The following NPAT variants were observed in gnomAD, a reference collection of about 807,000 sequenced individuals.
The protein encoded by NPAT is nuclear protein, coactivator of histone transcription, also known as protein NPAT.
A neutral mutation model predicts 130.7 loss-of-function variants in NPAT; 52 were observed. The observed-to-expected ratio is 0.40, with a 90% CI of 0.32 to 0.50. The LOEUF is 0.50. Ranked by LOEUF, NPAT falls within the 20% of genes least tolerant of loss-of-function variation. The pLI is 0.68. For synonymous variants in NPAT, 580 were observed against 584.8 expected (o/e 0.99, Z 0.12); for missense variants, 1,687 against 1,662.6 (o/e 1.01, Z -0.26).
chr11:108,175,974 T>C (rs2078001679), intron 12 of NPAT, among the ~76,000 whole-genome samples: 1 of 152,176 alleles, frequency 6.6e-6, no homozygotes, highest in Non-Finnish European at 1.5e-5. Context: ...ATTGTGCCAC[T>C]GCACTCCAGC....
intron 3 of NPAT, 133 bp from the exon 4 acceptor site, chr11:108,192,323 G>GT (rs2078177986): frequency 4.2e-6 from 3 of 716,364 alleles, no homozygotes; most frequent in Non-Finnish European, 5.1e-6. Flanking sequence ...ATAAATCTAT[G>GT]TTGTAAAATA....
chr11:108,173,745 C>G lies in NPAT; in HGVS notation c.1239G>C (p.Gln413His), dbSNP rs750926256. Residue 413 changes from glutamine to histidine, a missense_variant, in exon 13 of 18, where the codon CAG becomes CAC. Gln to His is a conservative substitution (Grantham distance 24, BLOSUM62 0). Around this residue, in one of 3 missense-constraint regions of NPAT, gnomAD observed 1,379 missense variants for 1,346.6 expected, o/e 1.02. Coordinates refer to ENST00000278612, the MANE Select transcript of NPAT (RefSeq NM_002519.3). ...NNHDVLRQED[Q>H]ENFSQISTSI... ...TGGTACTTATTTGGGAAAAATTTTC[C>G]TGGTCTTCTTGTCTAAGCACATCAT... 6.2e-7 allele frequency: 1 copy of G among 1,614,070 alleles called. No individual in the cohort carries two copies. The highest frequency in any genetic ancestry group is 8.5e-7 in the Non-Finnish European group (1 of 1,180,000).
intron 4 of NPAT, 118 bp from the exon 5 acceptor site, chr11:108,190,618 C>CAAAAAA: frequency 2.3e-6 from 2 of 857,484 alleles, no homozygotes; most frequent in Admixed American, 2.0e-5. Flanking sequence ...AAATCTCTCT[C>CAAAAAA]AGACAAAAAA....
At chr11:108,220,461 G>A (rs2078472663) in intron 1 of NPAT, among the ~76,000 whole-genome samples, 1 of 152,010 alleles carries the variant, frequency 6.6e-6, no homozygotes, top group Admixed American at 6.6e-5. Context: ...CTAATTATCT[G>A]AACACTAAGG....
At position 108,192,135 on chromosome 11, in the gene NPAT, A is replaced by G. The variant is rs1282577048; in HGVS notation, c.273T>C (p.His91=). The change falls in exon 4 of 18, where the codon CAT becomes CAC. Residue 91 remains histidine, a synonymous_variant. Coordinates refer to ENST00000278612, the MANE Select transcript of NPAT (RefSeq NM_002519.3). ...IMSSLWKKLD[H]TLSQIRSMQS... is the part of the protein sequence containing the mutation. ...CTTATTACCTGATCTGAGAAAGTGT[A>G]TGGTCCAATTTCTTCCATAGAGATG... The G allele has an allele frequency of 1.2e-6, 2 of 1,602,418 alleles. No homozygotes were observed. The highest frequency in any genetic ancestry group is 1.7e-6 in the Non-Finnish European group (2 of 1,169,556).
intron 13 of NPAT, among the ~76,000 whole-genome samples, chr11:108,170,751 A>T (rs1172280915): frequency 6.6e-6 from 1 of 152,224 alleles, no homozygotes; most frequent in Non-Finnish European, 1.5e-5. Context: ...TACAGATTTT[A>T]TAAGTTATAA....
rs138228649 is a variant in NPAT at position 108,215,761 on chromosome 11, A to G, written c.37+6739T>C. 8.3e-3 allele frequency among the ~76,000 whole-genome samples: 1,267 copies of G among 152,328 alleles called. 7 individuals are homozygous for G. The highest frequency in any genetic ancestry group is 0.014 in the Non-Finnish European group (924 of 68,032). On this transcript the variant is annotated intron_variant, in intron 1 of 17. Coordinates refer to ENST00000278612, the MANE Select transcript of NPAT (RefSeq NM_002519.3). ...ACTCACCACTCTCTACTTGTTGATGAATCTGTTTTCCAACCTCTTGCTAAC... is the reference window on the plus strand; with the variant it reads ...ACTCACCACTCTCTACTTGTTGATGGATCTGTTTTCCAACCTCTTGCTAAC...
Position 108,161,980 on chromosome 11 carries a change from G to C in NPAT, c.3106C>G (p.Leu1036Val), listed in dbSNP as rs35303872. The C allele has an allele frequency of 1.9e-6, 3 of 1,605,930 alleles. No homozygotes were observed. Among genetic ancestry groups the C allele is most frequent in the Non-Finnish European group, 1.7e-6 (2 of 1,176,714 alleles). The change falls in exon 17 of 18, where the codon CTT becomes GTT. Residue 1036 changes from leucine to valine, a missense_variant. By Grantham distance (32) the Leu-to-Val change is conservative (BLOSUM62 1). Coordinates refer to ENST00000278612, the MANE Select transcript of NPAT (RefSeq NM_002519.3). Reference protein sequence around the residue: ...EVSDKSIATDLGKKSEETTVP... With the variant: ...EVSDKSIATDVGKKSEETTVP... ...GTGGTTTCTTCTGATTTTTTCCCAA[G>C]ATCTGTGGCAATACTTTTGTCAGAA...
intron 1 of NPAT, among the ~76,000 whole-genome samples, chr11:108,205,796 A>G (rs2078320016): frequency 6.6e-6 from 1 of 152,176 alleles, no homozygotes; most frequent in Admixed American, 6.5e-5. Flanking sequence ...TAATCCCAGC[A>G]CTTTGAGAGG....
At chr11:108,208,423 CT>C (rs1481305260) in intron 1 of NPAT, 1 of 455,538 alleles carries the variant, frequency 2.2e-6, no homozygotes, top group Non-Finnish European at 4.4e-6. Flanking sequence ...GAACCCACCT[CT>C]ATGGTTTTTA....
intron 13 of NPAT, chr11:108,171,622 T>G (rs911290366): frequency 1.3e-5 from 2 of 152,816 alleles, no homozygotes; most frequent in African/African-American, 2.4e-5. Context: ...GTAGCTGTAA[T>G]TACAGGCACC....
chr11:108,222,483 C>A lies in NPAT; in HGVS notation c.37+17G>T, dbSNP rs2078536478. On this transcript the variant is annotated intron_variant, in intron 1 of 17. Coordinates refer to ENST00000278612, the MANE Select transcript of NPAT (RefSeq NM_002519.3). ...ATAGCCGGGTCCAATAACCCTCCAT[C>A]CCGCGTCCGCGCTTACCCAATACAA... 1 of 1,613,430 alleles carries A rather than the reference C, an allele frequency of 6.2e-7. No homozygotes were observed. The highest frequency in any genetic ancestry group is 2.2e-5 in the East Asian group (1 of 44,864).
intron 1 of NPAT, among the ~76,000 whole-genome samples, chr11:108,199,067 T>C (rs1338290963): frequency 6.6e-6 from 1 of 152,166 alleles, no homozygotes; most frequent in Non-Finnish European, 1.5e-5. Flanking sequence ...CGGAATGAGC[T>C]GTAACACAAA....
At chr11:108,175,251 C>G (rs918540325) in intron 12 of NPAT, among the ~76,000 whole-genome samples, 17 of 152,064 alleles carry the variant, frequency 1.1e-4, no homozygotes, top group African/African-American at 3.9e-4. Context: ...TAAACTTTAC[C>G]ATAGGTATGC....
chr11:108,201,498 A>G (rs2078275101), intron 1 of NPAT, among the ~76,000 whole-genome samples: 1 of 152,208 alleles, frequency 6.6e-6, no homozygotes, highest in African/African-American at 2.4e-5. Flanking sequence ...TGTATCAGAA[A>G]GGAAAGGAAT....
In NPAT at chr11:108,161,694, G is replaced by C; in HGVS notation, c.3392C>G (p.Ser1131Trp). The change falls in exon 17 of 18, where the codon TCG becomes TGG. Residue 1131 changes from serine to tryptophan, a missense_variant. Ser to Trp is a radical substitution (Grantham distance 177). This residue lies in a region of NPAT where 1,379 missense variants were observed against 1,346.6 expected (regional missense o/e 1.02). Coordinates refer to ENST00000278612, the MANE Select transcript of NPAT (RefSeq NM_002519.3). ...KPPLPKILSK[S>W]ESAISRHTTI... is the part of the protein sequence containing the mutation. The stretch of plus-strand genomic sequence containing the variant: ...GGTATGCCGGCTAATGGCACTTTCC[G>C]ATTTAGATAAAATCTTAGGCAGAGG... 1.2e-6 allele frequency: 2 copies of C among 1,613,752 alleles called. No homozygotes were observed. The highest frequency in any genetic ancestry group is 2.2e-5 in the East Asian group (1 of 44,868).
At chr11:108,218,771 T>C (rs561180197) in intron 1 of NPAT, among the ~76,000 whole-genome samples, 20 of 152,198 alleles carry the variant, frequency 1.3e-4, no homozygotes, top group Non-Finnish European at 1.3e-4. Flanking sequence ...AAAGTATATA[T>C]GCAATCATAT....
intron 4 of NPAT, among the ~76,000 whole-genome samples, 177 bp downstream of exon 4, chr11:108,191,940 AG>A (rs1420042642): frequency 1.8e-4 from 27 of 152,254 alleles, no homozygotes; most frequent in African/African-American, 6.5e-4. Context: ...TTTTATTAAA[AG>A]TATGCTATTT....
At chr11:108,205,261 G>T (rs186623958) in intron 1 of NPAT, among the ~76,000 whole-genome samples, 2 of 152,274 alleles carry the variant, frequency 1.3e-5, no homozygotes, top group Admixed American at 1.3e-4. Context: ...GGTCAACCAA[G>T]AATTTTCTTT....
Sources: gnomAD v4.1 joint callset for allele counts (sites outside exome capture counted in the v4.1 genomes callset) on GRCh38, gnomAD v4.1.1 for gene constraint, gnomAD v4.1.1 regional missense constraint, MANE v1.5 for transcripts, NCBI Gene and HGNC (gene_info 2026-07-23, HGNC 2026-07-21) for gene names.